INTS1: variants seen among roughly 807,000 people sequenced by gnomAD.
The protein encoded by INTS1 is integrator complex subunit 1.
A neutral mutation model predicts 241.6 loss-of-function variants in INTS1; 137 were observed. That is an observed-to-expected ratio of 0.57 (90% CI 0.49 to 0.65). The LOEUF (loss-of-function observed/expected upper bound fraction) is 0.65. INTS1 is among the 30% of genes least tolerant of loss of function. The pLI is 0.00. For missense variants in INTS1, 3,073 were observed against 3,032.2 expected (o/e 1.01, Z -0.32); for synonymous variants, 1,692 against 1,337.8 (o/e 1.26, Z -5.78).
At position 1,482,686 on chromosome 7, in the gene INTS1, G is replaced by A. The variant is rs543463656; in HGVS notation, c.3563C>T (p.Ala1188Val). 2.0e-5 allele frequency: 33 copies of A among 1,612,716 alleles called. No homozygotes were observed. Among genetic ancestry groups the A allele is most frequent in the Middle Eastern group, 1.7e-4 (1 of 6,060 alleles). ...PPRADDSEFQ[A>V]LLDIWFPEEK... ...CTCCGGAAACCAGATGTCCAGCAGC[G>A]CCTGGAACTCGCTGTCGTCGGCTTC... The change falls in exon 27 of 48, where the codon GCG (alanine) becomes GTG (valine). Residue 1188 changes from alanine (A) to valine (V), a missense_variant. By Grantham distance (64) the Ala-to-Val change is moderately conservative. Coordinates refer to ENST00000404767, the MANE Select transcript of INTS1 (RefSeq NM_001080453.3).
rs759199694 is a variant in INTS1 at position 1,499,462 on chromosome 7, G to GT, written c.844+10dup. The GT allele has an allele frequency of 3.4e-6, 5 of 1,481,796 alleles. No homozygotes were observed. The East Asian group carries it at 1.1e-4, about 33-fold the overall frequency. The allele number at this position is 1,481,796 out of a possible 1,614,324, so 91.8% of individuals were successfully genotyped here. On this transcript the variant is annotated intron_variant, in intron 6 of 47. Transcript: ENST00000404767. ...GGACACCCGCCCTCTCTGGCTGGCC[G>GT]TGTGTCTCACCTGCACCCAGGTCGC... is the stretch of plus-strand genomic sequence containing the variant.
At chr7:1,476,702 G>C in intron 36 of INTS1, 45 bp from the exon 37 acceptor site, 1 of 1,612,094 alleles carries the variant, frequency 6.2e-7, no homozygotes, top group Non-Finnish European at 8.5e-7. Flanking sequence ...TCTCGTCTCA[G>C]CATGGGAGAT....
chr7:1,480,512 GCCATGGCGAGTCCTGC>G, intron 29 of INTS1, 71 bp from the exon 30 acceptor site: 1 of 1,522,762 alleles, frequency 6.6e-7, no homozygotes, highest in Admixed American at 2.0e-5. Context: ...AACTGTACAA[GCCATGGCGAGTCCTGC>G]CCGGGGACTG....
rs1033019164 is a variant in INTS1 at position 1,483,518 on chromosome 7, G to A, written c.3541+224C>T. The A allele has an allele frequency of 5.0e-6, 3 of 601,714 alleles. No homozygotes were observed. In the African/African-American group the frequency reaches 5.5e-5, roughly 11 times the overall value. 37.3% of individuals were successfully genotyped at this position (601,714 alleles called of 1,614,324 possible). On this transcript the variant is annotated intron_variant, in intron 26 of 47. Transcript: ENST00000404767. ...CTCCAGCTCAGGGCTCTACAGGCTG[G>A]GAGGTCCCACCACGTGGGGATCTCC...
intron 26 of INTS1, chr7:1,482,947 C>T (rs1782065085): frequency 1.8e-6 from 1 of 547,618 alleles, no homozygotes; most frequent in South Asian, 2.2e-5. Context: ...TTTGTCGTGG[C>T]CAAGGGGACA....
rs1044135510 is a variant in INTS1, at chr7:1,480,520, G to A, written c.3950-79C>T. ...CGGTGGGAACTGTACAAGCCATGGC[G>A]AGTCCTGCCCGGGGACTGTCACCCA... On this transcript the variant is annotated intron_variant, in intron 29 of 47. Transcript: ENST00000404767. 24 of 1,491,988 alleles carry A rather than the reference G, an allele frequency of 1.6e-5. No homozygotes were observed. In the Admixed American group the frequency reaches 2.1e-4, roughly 13 times the overall value. 92.4% of individuals were successfully genotyped at this position (1,491,988 alleles called of 1,614,324 possible).
At chr7:1,504,223 G>A (rs1783352586) in intron 1 of INTS1, 100 bp downstream of exon 1, 1 of 535,724 alleles carries the variant, frequency 1.9e-6, no homozygotes, top group East Asian at 3.7e-5. Context: ...GGCTGGAGGC[G>A]GCAGAACCAG....
At position 1,470,936 on chromosome 7, in the gene INTS1, G is replaced by C; in HGVS notation, c.6367C>G (p.Pro2123Ala). The change falls in exon 47 of 48, where the codon CCC becomes GCC. Residue 2123 changes from proline to alanine, a missense_variant. Coordinates refer to ENST00000404767, the MANE Select transcript of INTS1 (RefSeq NM_001080453.3). The part of the protein sequence containing the change: ...NSPSIAAAFL[P>A]TFMYCLGSQD... ...CTGCCCAGGCAGTACATGAACGTGG[G>C]CAGGAAAGCGGCTGCAATGCTGAAA... 6.4e-7 allele frequency: 1 copy of C among 1,572,162 alleles called. No individual in the cohort carries two copies. Among genetic ancestry groups the C allele is most frequent in the Non-Finnish European group, 8.6e-7 (1 of 1,159,724 alleles).
At chr7:1,482,492 G>C in intron 27 of INTS1, 54 bp downstream of exon 27, 1 of 1,535,750 alleles carries the variant, frequency 6.5e-7, no homozygotes, top group Non-Finnish European at 8.8e-7. Context: ...AGCAGGCAAG[G>C]GGCCCGGGAC....
At chr7:1,495,722 C>T (rs1213026018) in intron 12 of INTS1, among the ~76,000 whole-genome samples, 169 bp from the exon 13 acceptor site, 1 of 152,136 alleles carries the variant, frequency 6.6e-6, no homozygotes, top group East Asian at 1.9e-4. Context: ...CATGGAGTGA[C>T]CCTGACGCGT....
chr7:1,480,819 C>T lies in INTS1; in HGVS notation c.3949+16G>A, dbSNP rs1457660456. ...CCAGGCTGGGTCTCTGTGCTGGCCC[C>T]ACCCCTCCCCAGTACCTCGGCGGGG... On this transcript the variant is annotated intron_variant, in intron 29 of 47. Transcript: ENST00000404767. The T allele has an allele frequency of 1.3e-6, 2 of 1,544,092 alleles. No individual in the cohort carries two copies. Among genetic ancestry groups the T allele is most frequent in the Non-Finnish European group, 1.7e-6 (2 of 1,142,918 alleles).
At chr7:1,478,937 C>T in intron 31 of INTS1, 52 bp from the exon 32 acceptor site, 1 of 1,548,378 alleles carries the variant, frequency 6.5e-7, no homozygotes, top group Admixed American at 1.8e-5. Context: ...ACACGGGGAC[C>T]CGGCACCCGA....
intron 2 of INTS1, among the ~76,000 whole-genome samples, chr7:1,503,683 G>C (rs1783314227): frequency 6.6e-6 from 1 of 152,188 alleles, no homozygotes; most frequent in Admixed American, 6.5e-5. Context: ...CCTGAAACGA[G>C]ATCACCGGGG....
chr7:1,475,603 A>G (rs1286562224), intron 39 of INTS1, among the ~76,000 whole-genome samples: 1 of 152,124 alleles, frequency 6.6e-6, no homozygotes, highest in Non-Finnish European at 1.5e-5. Context: ...GCCGTCCGCC[A>G]AGACCCGGGC....
rs570388403 is a variant in INTS1, at chr7:1,484,241, G to A, written c.3262-71C>T. 896 of 1,477,562 alleles carry A rather than the reference G, an allele frequency of 6.1e-4. 1 individual carries two copies. Among genetic ancestry groups the A allele is most frequent in the Non-Finnish European group, 6.0e-4 (657 of 1,086,966 alleles). The allele number at this position is 1,477,562 out of a possible 1,614,324, so 91.5% of individuals were successfully genotyped here. On this transcript the variant is annotated intron_variant, in intron 24 of 47. Transcript: ENST00000404767. The stretch of plus-strand genomic sequence containing the variant: ...CTCTCCGGCCAGCTGGGGTGACCTC[G>A]TCGCAGGCACGCTCTCACTGGGATC...
In INTS1 at chr7:1,493,146, C is replaced by A. The variant is rs745552643; in HGVS notation, c.2069-40G>T. On this transcript the variant is annotated intron_variant, in intron 15 of 47. Coordinates refer to ENST00000404767, the MANE Select transcript of INTS1 (RefSeq NM_001080453.3). This position sits in a 1 kb window ranked among gnomAD's most constrained non-coding sequence, Gnocchi z 5.3. ...CACACATGGGTTCTGGGGCTGCTCA[C>A]AGACCATCAGGCACAGGCAGCGAGG... is the stretch of plus-strand genomic sequence containing the variant. 1.9e-6 allele frequency: 3 copies of A among 1,552,448 alleles called. No homozygotes were observed. The highest frequency in any genetic ancestry group is 1.1e-5 in the South Asian group (1 of 89,754).
intron 22 of INTS1, among the ~76,000 whole-genome samples, chr7:1,486,170 A>C (rs1782256577): frequency 6.6e-6 from 1 of 152,060 alleles, no homozygotes; most frequent in African/African-American, 2.4e-5. Context: ...TCCTGGACTC[A>C]AGTGATGCTC....
chr7:1,493,976 G>A lies in INTS1; in HGVS notation c.1911-65C>T, dbSNP rs1782723660. On this transcript the variant is annotated intron_variant, in intron 14 of 47. Transcript: ENST00000404767. This position sits in a 1 kb window ranked among gnomAD's most constrained non-coding sequence, Gnocchi z 5.3. ...ACACCTGCCAGACCTGAGGGGCCGAGGACAGGCCAGCTTCTCCCTCAGAGC... is the reference window on the plus strand; with the variant it reads ...ACACCTGCCAGACCTGAGGGGCCGAAGACAGGCCAGCTTCTCCCTCAGAGC... The A allele has an allele frequency of 4.0e-6, 6 of 1,496,936 alleles. No individual in the cohort carries two copies. Among genetic ancestry groups the A allele is most frequent in the South Asian group, 3.9e-5 (3 of 77,324 alleles). 92.7% of individuals were successfully genotyped at this position (1,496,936 alleles called of 1,614,324 possible). A position where few individuals can be genotyped will look rare whatever the true frequency, so the allele number is the denominator to read the frequency against.
intron 16 of INTS1, among the ~76,000 whole-genome samples, chr7:1,491,897 C>T (rs534096048): frequency 1.3e-5 from 2 of 152,302 alleles, no homozygotes; most frequent in East Asian, 1.9e-4. Flanking sequence ...AGCAAGACTC[C>T]GTTCCCCACA....
Sources: allele counts gnomAD v4.1 joint callset (sites outside exome capture counted in the v4.1 genomes callset), GRCh38; gene constraint gnomAD v4.1.1; non-coding constraint Gnocchi (gnomAD v3.1); transcripts MANE v1.5; gene names NCBI Gene and HGNC (gene_info 2026-07-23, HGNC 2026-07-21).